TLL2: variants seen among roughly 807,000 people sequenced by gnomAD.
TLL2 encodes the protein tolloid like 2, also known as tolloid-like protein 2.
In TLL2, 106 loss-of-function variants were observed where a neutral mutation model predicts 123.0. The observed-to-expected ratio is 0.86, with a 90% CI of 0.74 to 1.01. TLL2 has a LOEUF of 1.01. Ranked by LOEUF, TLL2 falls within the 50% of genes least tolerant of loss-of-function variation. The probability of loss-of-function intolerance (pLI) is 0.00; values close to 1 mark genes in which losing one functional copy is unlikely to be tolerated. For missense variants in TLL2, 1,332 were observed against 1,336.7 expected (o/e 1.00, Z 0.06); for synonymous variants, 494 against 516.8 (o/e 0.96, Z 0.60).
At chr10:96,507,536 C>T (rs1337549344) in intron 1 of TLL2, among the ~76,000 whole-genome samples, 2 of 152,088 alleles carry the variant, frequency 1.3e-5, no homozygotes, top group African/African-American at 4.8e-5. Flanking sequence ...TCAAGAAGTG[C>T]TGTGAGCACC....
chr10:96,439,066 T>TA (rs398114663), intron 3 of TLL2, among the ~76,000 whole-genome samples: 10 of 79,420 alleles, frequency 1.3e-4, no homozygotes, highest in East Asian at 1.1e-3. Context: ...CTAATTTTTT[T>TA]AAGGATTTCT....
intron 1 of TLL2, among the ~76,000 whole-genome samples, chr10:96,499,080 T>A (rs1216309850): frequency 2.0e-5 from 3 of 152,226 alleles, no homozygotes; most frequent in Non-Finnish European, 4.4e-5. Context: ...GACACCATGT[T>A]AGGCTTTATC....
intron 1 of TLL2, among the ~76,000 whole-genome samples, chr10:96,487,386 C>CG (rs1847367539): frequency 1.3e-5 from 2 of 151,768 alleles, no homozygotes; most frequent in East Asian, 1.9e-4. Context: ...TCCATCACCA[C>CG]TATTTGCCCT....
intron 1 of TLL2, among the ~76,000 whole-genome samples, chr10:96,497,844 C>T (rs974308725): frequency 1.3e-5 from 2 of 152,370 alleles, no homozygotes; most frequent in African/African-American, 2.4e-5. Flanking sequence ...TCCATTATTT[C>T]CATAGCCAAA....
chr10:96,471,646 T>C (rs1250655727), intron 2 of TLL2, among the ~76,000 whole-genome samples: 7 of 152,204 alleles, frequency 4.6e-5, no homozygotes, highest in Admixed American at 2.6e-4. Flanking sequence ...GCAGGTACTA[T>C]TATTCCATCT....
At position 96,428,822 on chromosome 10, in the gene TLL2, A is replaced by C. The variant is rs1264603117; in HGVS notation, c.521-74T>G. On this transcript the variant is annotated intron_variant, in intron 4 of 20. Transcript: ENST00000357947. ...CTTTAGATGCTTTTTTTTTTCTTTC[A>C]AGACGGAGTTTTGCCTTTGTTGCCC... The C allele has an allele frequency of 1.6e-5, 17 of 1,046,892 alleles. No individual in the cohort carries two copies. In the East Asian group the frequency reaches 1.7e-4, roughly 11 times the overall value. 64.9% of individuals were successfully genotyped at this position (1,046,892 alleles called of 1,614,324 possible). A position where few individuals can be genotyped will look rare whatever the true frequency, so the allele number is the denominator to read the frequency against.
chr10:96,459,732 A>ATATATATATATATATG (rs1222156603), intron 2 of TLL2, among the ~76,000 whole-genome samples: 3 of 123,070 alleles, frequency 2.4e-5, no homozygotes, highest in African/African-American at 5.9e-5. Flanking sequence ...ATATATATAT[A>ATATATATATATATATG]GCAGCTAAAA....
At chr10:96,388,175 G>A (rs1387253785) in intron 13 of TLL2, among the ~76,000 whole-genome samples, 4 of 152,110 alleles carry the variant, frequency 2.6e-5, no homozygotes, top group Non-Finnish European at 5.9e-5. Flanking sequence ...AGGCTGAGGC[G>A]GGTGGATCAC....
chr10:96,465,210 A>C (rs902143131), intron 2 of TLL2, among the ~76,000 whole-genome samples: 3 of 147,496 alleles, frequency 2.0e-5, no homozygotes, highest in Non-Finnish European at 4.5e-5. Flanking sequence ...CAGTGACCTT[A>C]ACTTTAAGAG....
chr10:96,490,110 A>C (rs1306035757), intron 1 of TLL2, among the ~76,000 whole-genome samples: 4 of 151,904 alleles, frequency 2.6e-5, no homozygotes, highest in African/African-American at 9.7e-5. Context: ...AAAAAATAAA[A>C]ACAATTGGAA....
rs142502221 is a variant in TLL2 at position 96,400,728 on chromosome 10, T to C, written c.1268-3426A>G. Among the ~76,000 whole-genome samples, 804 of 152,304 alleles carry C rather than the reference T, an allele frequency of 5.3e-3. 6 individuals carry two copies. Among genetic ancestry groups the C allele is most frequent in the Non-Finnish European group, 6.9e-3 (466 of 68,020 alleles). ...AGGGCTTTTGTGTGCATTGTGGTGA[T>C]ACAGAATGCCCAAAGACAGTTCTGC... On this transcript the variant is annotated intron_variant, in intron 10 of 20. Coordinates refer to ENST00000357947, the MANE Select transcript of TLL2 (RefSeq NM_012465.4).
Position 96,513,671 on chromosome 10 carries a change from A to T in TLL2, c.15T>A (p.Thr5=). 1 of 1,558,692 alleles carries T rather than the reference A, an allele frequency of 6.4e-7. No homozygotes were observed. The highest frequency in any genetic ancestry group is 8.6e-7 in the Non-Finnish European group (1 of 1,158,372). MPRA[T]ALGALVSLLL... is the part of the protein sequence containing the mutation. ...GCAGTGACACCAGGGCCCCAAGTGCAGTCGCCCGGGGCATGGTGGCGCGGG... is the reference window on the plus strand; with the variant it reads ...GCAGTGACACCAGGGCCCCAAGTGCTGTCGCCCGGGGCATGGTGGCGCGGG... The change falls in exon 1 of 21, where the codon ACT becomes ACA. Residue 5 remains threonine, a synonymous_variant. Coordinates refer to ENST00000357947, the MANE Select transcript of TLL2 (RefSeq NM_012465.4).
At chr10:96,454,216 GA>G (rs1023698856) in intron 2 of TLL2, among the ~76,000 whole-genome samples, 6 of 152,138 alleles carry the variant, frequency 3.9e-5, no homozygotes, top group African/African-American at 1.4e-4. Flanking sequence ...TTTTGAGGGG[GA>G]ATGAGATGGG....
Position 96,513,798 on chromosome 10 carries a change from A to G in TLL2, c.-113T>C, listed in dbSNP as rs1847657477. ...TCCGGCCGGGACTCGGTGGTTACAC[A>G]GGGCTGCTGGGCATGGCTCAGGCGC... On this transcript the variant is annotated 5_prime_UTR_variant, in exon 1 of 21. Transcript: ENST00000357947. 1 of 1,154,828 alleles carries G rather than the reference A, an allele frequency of 8.7e-7. No homozygotes were observed. Among genetic ancestry groups the G allele is most frequent in the Non-Finnish European group, 1.2e-6 (1 of 867,892 alleles). The allele number at this position is 1,154,828 out of a possible 1,614,324, so 71.5% of individuals were successfully genotyped here. A position where few individuals can be genotyped will look rare whatever the true frequency, so the allele number is the denominator to read the frequency against.
At chr10:96,385,699 T>A (rs1461670785) in intron 15 of TLL2, among the ~76,000 whole-genome samples, 1 of 152,164 alleles carries the variant, frequency 6.6e-6, no homozygotes, top group African/African-American at 2.4e-5. Context: ...GTCTGTAGCA[T>A]CCTTGTCCCT....
chr10:96,389,704 C>T (rs1223725929), intron 13 of TLL2, among the ~76,000 whole-genome samples: 4 of 152,174 alleles, frequency 2.6e-5, no homozygotes, highest in African/African-American at 4.8e-5. Flanking sequence ...GTAGGCAGGA[C>T]ACACAGGCAA....
chr10:96,421,691 G>A (rs1846625127), intron 6 of TLL2, among the ~76,000 whole-genome samples: 1 of 149,012 alleles, frequency 6.7e-6, no homozygotes, highest in Non-Finnish European at 1.5e-5. Flanking sequence ...ACAAAAATTA[G>A]CTGGGCGTGG....
At position 96,379,932 on chromosome 10, in the gene TLL2, C is replaced by T. The variant is rs569873205; in HGVS notation, c.2195-840G>A. On this transcript the variant is annotated intron_variant, in intron 16 of 20. Transcript: ENST00000357947. Reference sequence around the variant, plus strand: ...CTCTGTGGCCTGGGCTCAAGTGCCGCGACTCCACCCCGCCCTCTGCACGTG... The same window carrying T: ...CTCTGTGGCCTGGGCTCAAGTGCCGTGACTCCACCCCGCCCTCTGCACGTG... 6.6e-5 allele frequency among the ~76,000 whole-genome samples: 10 copies of T among 152,334 alleles called. No individual in the cohort carries two copies. In the East Asian group the frequency reaches 9.6e-4, roughly 15 times the overall value.
intron 2 of TLL2, among the ~76,000 whole-genome samples, chr10:96,479,664 A>C (rs1419876829): frequency 3.3e-5 from 5 of 152,252 alleles, no homozygotes; most frequent in Non-Finnish European, 7.3e-5. Context: ...TGTTCACCAG[A>C]ACCCCTACAG....
Sources: gnomAD v4.1 joint callset for allele counts (sites outside exome capture counted in the v4.1 genomes callset) on GRCh38, gnomAD v4.1.1 for gene constraint, MANE v1.5 for transcripts, NCBI Gene and HGNC (gene_info 2026-07-23, HGNC 2026-07-21) for gene names.